The following LSS variants were observed in gnomAD, a reference collection of about 807,000 sequenced individuals.
LSS encodes the protein 2,3-epoxysqualene-lanosterol cyclase.
A neutral mutation model predicts 110.3 loss-of-function variants in LSS; 90 were observed. The ratio of observed to expected loss-of-function variants is 0.82; its 90% CI spans 0.69 to 0.97. The LOEUF is 0.97. Ranked by LOEUF, LSS falls within the 50% of genes least tolerant of loss-of-function variation. The pLI, the probability that LSS is intolerant of heterozygous loss-of-function variation, is 0.00. For missense variants in LSS, 927 were observed against 990.0 expected (o/e 0.94, Z 0.85); for synonymous variants, 433 against 400.0 (o/e 1.08, Z -0.98).
chr21:46,203,959 T>C lies in LSS; in HGVS notation c.1670+1877A>G, dbSNP rs530098193. On this transcript the variant is annotated intron_variant, in intron 17 of 21. Transcript: ENST00000397728. ...TCATATTTCAATAAAAGCCTGAAAA[T>C]CAAATATCTAAGTATTCAAGTTAGA... Among the ~76,000 whole-genome samples, 19 of 152,216 alleles carry C rather than the reference T, an allele frequency of 1.2e-4. 2 individuals carry two copies. The South Asian group carries it at 3.1e-3, about 25-fold the overall frequency.
intron 17 of LSS, among the ~76,000 whole-genome samples, chr21:46,198,500 G>A (rs1434775972): frequency 6.6e-6 from 1 of 152,114 alleles, no homozygotes; most frequent in East Asian, 1.9e-4. Flanking sequence ...CAAAGTCTCA[G>A]CAAGTTATTT....
chr21:46,219,444 C>T lies in LSS; in HGVS notation c.647+32G>A, dbSNP rs114475730. 2,484 of 1,507,750 alleles carry T rather than the reference C, an allele frequency of 1.6e-3. 33 individuals are homozygous for T. In the African/African-American group the frequency reaches 0.029, roughly 17 times the overall value. 93.4% of individuals were successfully genotyped at this position (1,507,750 alleles called of 1,614,324 possible). A position where few individuals can be genotyped will look rare whatever the true frequency, so the allele number is the denominator to read the frequency against. ...ACTCTACTCCCCGGGACAGCAGCAG[C>T]GACCCAACAACCCAATCAACAGCAG... On this transcript the variant is annotated intron_variant, in intron 6 of 21. Coordinates refer to ENST00000397728, the MANE Select transcript of LSS (RefSeq NM_002340.6).
intron 6 of LSS, among the ~76,000 whole-genome samples, chr21:46,218,410 G>A (rs2080234158): frequency 6.6e-6 from 1 of 152,138 alleles, no homozygotes; most frequent in South Asian, 2.1e-4. Context: ...GATCACCTGA[G>A]GTCAGGAGTT....
chr21:46,215,165 G>C lies in LSS; in HGVS notation c.1011+15C>G, dbSNP rs760843045. ...CCCCAGGGGCTGCAGTCAGAGGCCGGGCAGGGGCACTGACCGGGCCGATGC... is the reference window on the plus strand; with the variant it reads ...CCCCAGGGGCTGCAGTCAGAGGCCGCGCAGGGGCACTGACCGGGCCGATGC... On this transcript the variant is annotated intron_variant, in intron 9 of 21. Coordinates refer to ENST00000397728, the MANE Select transcript of LSS (RefSeq NM_002340.6). 1.9e-6 allele frequency: 3 copies of C among 1,602,886 alleles called. No individual in the cohort carries two copies. In the South Asian group the frequency reaches 3.3e-5, roughly 18 times the overall value.
At position 46,215,171 on chromosome 21, in the gene LSS, G is replaced by A. The variant is rs1471053531; in HGVS notation, c.1011+9C>T. On this transcript the variant is annotated intron_variant, in intron 9 of 21. Transcript: ENST00000397728. ...GGGCTGCAGTCAGAGGCCGGGCAGG[G>A]GCACTGACCGGGCCGATGCTGATGC... 13 of 1,605,882 alleles carry A rather than the reference G, an allele frequency of 8.1e-6. No homozygotes were observed. Among genetic ancestry groups the A allele is most frequent in the East Asian group, 2.2e-5 (1 of 44,846 alleles).
Position 46,216,537 on chromosome 21 carries a change from C to G in LSS, c.648-13G>C. 6.3e-7 allele frequency: 1 copy of G among 1,586,776 alleles called. No individual in the cohort carries two copies. Among genetic ancestry groups the G allele is most frequent in the South Asian group, 1.1e-5 (1 of 88,370 alleles). Reference sequence around the variant, plus strand: ...GTCAGGAAACAGCCTGGGGCAACAGCAGGAGTCAGTGGGAGACCCCAAGAC... The same window carrying G: ...GTCAGGAAACAGCCTGGGGCAACAGGAGGAGTCAGTGGGAGACCCCAAGAC... On this transcript the variant is annotated splice_polypyrimidine_tract_variant and intron_variant, in intron 6 of 21. Transcript: ENST00000397728. This position sits in a 1 kb window ranked among gnomAD's most constrained non-coding sequence, Gnocchi z 4.2.
chr21:46,218,663 T>A (rs998506719), intron 6 of LSS, among the ~76,000 whole-genome samples: 6 of 151,004 alleles, frequency 4.0e-5, no homozygotes, highest in Non-Finnish European at 7.4e-5. Context: ...TAATAAGAAA[T>A]TAATGTTGAT....
rs2080205669 is a variant in LSS, at chr21:46,216,298, G to A, written c.783+91C>T. 3.3e-6 allele frequency: 5 copies of A among 1,519,946 alleles called. No individual in the cohort carries two copies. Among genetic ancestry groups the A allele is most frequent in the Non-Finnish European group, 3.6e-6 (4 of 1,102,482 alleles). The allele number at this position is 1,519,946 out of a possible 1,614,324, so 94.2% of individuals were successfully genotyped here. ...TCTCCGCTCCACAGGGCCACCAGGT[G>A]AGTGGACAGGTGTGGTTAGATTCCA... On this transcript the variant is annotated intron_variant, in intron 7 of 21. Transcript: ENST00000397728. The surrounding 1 kb of genome is among the most constrained non-coding windows in gnomAD (Gnocchi z 4.2).
rs1468547359 is a variant in LSS at position 46,189,144 on chromosome 21, GT to G, written c.*1959del. ...ACAGGCTTCTGATAAGGGAATCAAT[GT>G]CTGTTTATTAAGGCAGATGCTCATA... On this transcript the variant is annotated 3_prime_UTR_variant, in exon 22 of 22. Transcript: ENST00000397728. The G allele has an allele frequency of 2.2e-5, 5 of 226,404 alleles. No homozygotes were observed. The highest frequency in any genetic ancestry group is 6.9e-5 in the African/African-American group (3 of 43,770). 14.0% of individuals were successfully genotyped at this position (226,404 alleles called of 1,614,324 possible).
chr21:46,203,126 G>C (rs2080000638), intron 17 of LSS, among the ~76,000 whole-genome samples: 4 of 152,270 alleles, frequency 2.6e-5, no homozygotes, highest in Admixed American at 2.6e-4. Flanking sequence ...GGCCAGGTCA[G>C]ACAGCCAGAA....
chr21:46,214,241 GC>G (rs1334609980), intron 9 of LSS, among the ~76,000 whole-genome samples: 1 of 152,230 alleles, frequency 6.6e-6, no homozygotes, highest in Non-Finnish European at 1.5e-5. Context: ...GGGACCACTT[GC>G]CCCCCTTCTT....
At chr21:46,217,269 G>C (rs901877108) in intron 6 of LSS, among the ~76,000 whole-genome samples, 1 of 136,934 alleles carries the variant, frequency 7.3e-6, no homozygotes, top group Non-Finnish European at 1.6e-5. Context: ...AAAAGAAAAA[G>C]AAAGAAAAAA....
intron 16 of LSS, 97 bp from the exon 17 acceptor site, chr21:46,206,038 G>T: frequency 2.1e-6 from 2 of 952,430 alleles, no homozygotes; most frequent in Non-Finnish European, 3.2e-6. Flanking sequence ...GTGTTGCAGT[G>T]AGCCCGGGCC....
At chr21:46,213,114 C>G (rs2080155817) in intron 10 of LSS, 62 bp from the exon 11 acceptor site, 2 of 1,529,728 alleles carry the variant, frequency 1.3e-6, no homozygotes, top group Non-Finnish European at 1.8e-6. Flanking sequence ...AGCTGCTACC[C>G]AGACCCTGCA....
At chr21:46,222,488 G>T (rs568180654) in intron 4 of LSS, 142 bp downstream of exon 4, 18 of 671,180 alleles carry the variant, frequency 2.7e-5, no homozygotes, top group South Asian at 1.7e-4. Flanking sequence ...CTCCCCGCCT[G>T]CTAGTCTCTC....
chr21:46,227,517 G>A, intron 3 of LSS, 35 bp downstream of exon 3: 1 of 1,612,502 alleles, frequency 6.2e-7, no homozygotes, highest in African/African-American at 1.3e-5. Context: ...GATCCAGGGT[G>A]GCCATACCAT....
At chr21:46,225,177 A>C (rs1255804374) in intron 3 of LSS, 1 of 202,578 alleles carries the variant, frequency 4.9e-6, no homozygotes, top group Non-Finnish European at 1.1e-5. Flanking sequence ...ATTACTCTTT[A>C]TTCCAATATT....
At chr21:46,194,697 A>G in intron 19 of LSS, 36 bp from the exon 20 acceptor site, 1 of 1,594,336 alleles carries the variant, frequency 6.3e-7, no homozygotes, top group Admixed American at 1.7e-5. Context: ...CCATCACACC[A>G]AGGAAGGTCC....
At chr21:46,213,423 C>T (rs2080159237) in intron 10 of LSS, among the ~76,000 whole-genome samples, 1 of 152,208 alleles carries the variant, frequency 6.6e-6, no homozygotes, top group African/African-American at 2.4e-5. Context: ...GCCCCACCTC[C>T]AGGGCACAGT....
Sources: allele counts gnomAD v4.1 joint callset (sites outside exome capture counted in the v4.1 genomes callset), GRCh38; gene constraint gnomAD v4.1.1; non-coding constraint Gnocchi (gnomAD v3.1); transcripts MANE v1.5; gene names NCBI Gene and HGNC (gene_info 2026-07-23, HGNC 2026-07-21).